The following ADGB variants were observed in gnomAD, a reference collection of about 807,000 sequenced individuals.
ADGB encodes the protein calpain-7-like protein.
In ADGB, 172 loss-of-function variants were observed where a neutral mutation model predicts 210.5. The observed-to-expected ratio is 0.82, with a 90% CI of 0.72 to 0.93. The LOEUF is 0.93. ADGB is among the 40% of genes least tolerant of loss of function. The pLI is 0.00. For synonymous variants in ADGB, 658 were observed against 662.7 expected, an observed-to-expected ratio of 0.99 and a Z score of 0.11; for missense variants, 2,025 against 1,964.8, an observed-to-expected ratio of 1.03 and a Z score of -0.58.
At chr6:146,776,420 G>C (rs1777722493) in intron 29 of ADGB, among the ~76,000 whole-genome samples, 1 of 151,718 alleles carries the variant, frequency 6.6e-6, no homozygotes, top group Non-Finnish European at 1.5e-5. Flanking sequence ...TTTAAAATGA[G>C]GCATATAATG....
intron 1 of ADGB, among the ~76,000 whole-genome samples, chr6:146,609,652 T>G (rs1188058944): frequency 6.6e-6 from 1 of 152,234 alleles, no homozygotes; most frequent in African/African-American, 2.4e-5. Context: ...GGTAATGAAT[T>G]CCCTTAGCAT....
intron 9 of ADGB, among the ~76,000 whole-genome samples, chr6:146,677,777 A>G (rs1204039314): frequency 6.6e-6 from 1 of 152,166 alleles, no homozygotes; most frequent in African/African-American, 2.4e-5. Flanking sequence ...ATCTGCTCCA[A>G]CACTGAGTGT....
chr6:146,656,988 C>A lies in ADGB; in HGVS notation c.612+8C>A, dbSNP rs1364498502. On this transcript the variant is annotated splice_region_variant and intron_variant, in intron 5 of 35. Coordinates refer to ENST00000397944, the MANE Select transcript of ADGB (RefSeq NM_024694.4). ...GTGAAACTTTACTGGATGGTAAGTC[C>A]ATTTTCGTGTGCATAAAAACTCATG... The A allele has an allele frequency of 5.2e-6, 8 of 1,543,544 alleles. No individual in the cohort carries two copies. The highest frequency in any genetic ancestry group is 1.7e-4 in the Middle Eastern group (1 of 5,958).
At chr6:146,781,050 G>C (rs749567821) in intron 29 of ADGB, among the ~76,000 whole-genome samples, 1 of 151,812 alleles carries the variant, frequency 6.6e-6, no homozygotes, top group Admixed American at 6.6e-5. Context: ...ATTGGAGGCC[G>C]GGCGCGGTAG....
intron 9 of ADGB, among the ~76,000 whole-genome samples, chr6:146,681,447 C>T (rs1776155905): frequency 6.6e-6 from 1 of 152,100 alleles, no homozygotes; most frequent in African/African-American, 2.4e-5. Context: ...TATAAATTAT[C>T]CAGTCTCAGG....
chr6:146,707,748 G>C (rs1045092720), intron 13 of ADGB, among the ~76,000 whole-genome samples: 1 of 152,008 alleles, frequency 6.6e-6, no homozygotes, highest in Non-Finnish European at 1.5e-5. Flanking sequence ...TAAGTCTCCT[G>C]TAGGCAGTAT....
In ADGB at chr6:146,654,331, T is replaced by C. The variant is rs572001540; in HGVS notation, c.402+125T>C. ...TTTAAGTTTTGGTATTATATATATA[T>C]ATATATAATACCAAAAAATATATAT... On this transcript the variant is annotated intron_variant, in intron 4 of 35. Transcript: ENST00000397944. The C allele has an allele frequency of 1.4e-4, 61 of 426,698 alleles. 1 individual carries two copies. The highest frequency in any genetic ancestry group is 3.7e-4 in the Middle Eastern group (1 of 2,674). The allele number at this position is 426,698 out of a possible 1,614,324, so 26.4% of individuals were successfully genotyped here.
intron 29 of ADGB, among the ~76,000 whole-genome samples, chr6:146,781,048 C>T (rs1777790672): frequency 6.6e-6 from 1 of 151,754 alleles, no homozygotes; most frequent in South Asian, 2.1e-4. Context: ...AAATTGGAGG[C>T]CGGGCGCGGT....
At position 146,787,692 on chromosome 6, in the gene ADGB, GCTCTTAAGTACTTTCCTATTGCCACCTT is replaced by G. The variant is rs1562301104; in HGVS notation, c.4316-696_4316-669del. 1.1e-3 allele frequency among the ~76,000 whole-genome samples: 158 copies of G among 146,108 alleles called. 2 individuals carry two copies. Among genetic ancestry groups the G allele is most frequent in the African/African-American group, 3.9e-3 (152 of 39,302 alleles). On this transcript the variant is annotated intron_variant, in intron 32 of 35. Coordinates refer to ENST00000397944, the MANE Select transcript of ADGB (RefSeq NM_024694.4). ...CTTTCTTATTTCAACATTTCTTCATGCTCTTAAGTACTTTCCTATTGCCACCTTTCTTATTTCAACATTTCTTCATGCT... is the reference window on the plus strand; with the variant it reads ...CTTTCTTATTTCAACATTTCTTCATGTCTTATTTCAACATTTCTTCATGCT...
intron 3 of ADGB, among the ~76,000 whole-genome samples, chr6:146,645,367 C>T (rs1775592713): frequency 6.6e-6 from 1 of 151,994 alleles, no homozygotes; most frequent in Admixed American, 6.6e-5. Context: ...ACTGGAATGT[C>T]ACTCAATAAA....
At chr6:146,785,040 T>A (rs1338430121) in intron 31 of ADGB, among the ~76,000 whole-genome samples, 1 of 152,274 alleles carries the variant, frequency 6.6e-6, no homozygotes, top group East Asian at 1.9e-4. Flanking sequence ...AGGCCCACAC[T>A]ATGGGTTACC....
intron 20 of ADGB, among the ~76,000 whole-genome samples, chr6:146,730,531 A>G (rs1464943733): frequency 6.6e-6 from 1 of 152,220 alleles, no homozygotes; most frequent in Non-Finnish European, 1.5e-5. Context: ...TTAGGTAATT[A>G]GCTTTGTCTA....
In ADGB at chr6:146,599,188, C is replaced by T. The variant is rs1780515277; in HGVS notation, c.74+74C>T. 5 of 1,373,562 alleles carry T rather than the reference C, an allele frequency of 3.6e-6. No homozygotes were observed. In the African/African-American group the frequency reaches 4.3e-5, roughly 12 times the overall value. 85.1% of individuals were successfully genotyped at this position (1,373,562 alleles called of 1,614,324 possible). On this transcript the variant is annotated intron_variant, in intron 1 of 35. Transcript: ENST00000397944. ...CTCACCACTAGTTCTGGGGCTGCCT[C>T]CCTGCAGCAAACTGTGCCAGGGCAG...
At chr6:146,707,356 TC>T (rs1776587985) in intron 13 of ADGB, among the ~76,000 whole-genome samples, 1 of 152,152 alleles carries the variant, frequency 6.6e-6, no homozygotes, top group South Asian at 2.1e-4. Context: ...GTCCATTTGA[TC>T]TAAAGTGTAG....
intron 27 of ADGB, among the ~76,000 whole-genome samples, chr6:146,754,133 A>T (rs1362088366): frequency 6.6e-6 from 1 of 151,432 alleles, no homozygotes; most frequent in East Asian, 1.9e-4. Flanking sequence ...ATATATTTTT[A>T]GTGAAAAGTA....
chr6:146,703,553 G>T (rs920128671), intron 13 of ADGB, among the ~76,000 whole-genome samples: 1 of 151,720 alleles, frequency 6.6e-6, no homozygotes, highest in African/African-American at 2.4e-5. Context: ...ATTCTACTTA[G>T]TATCTATTTT....
chr6:146,656,158 C>T (rs1226201003), intron 4 of ADGB, among the ~76,000 whole-genome samples: 1 of 152,182 alleles, frequency 6.6e-6, no homozygotes, highest in African/African-American at 2.4e-5. Flanking sequence ...GGATTCAAAT[C>T]CTGATCTCTG....
At chr6:146,797,832 G>A (rs1778069102) in intron 33 of ADGB, among the ~76,000 whole-genome samples, 1 of 151,974 alleles carries the variant, frequency 6.6e-6, no homozygotes, top group Admixed American at 6.6e-5. Context: ...GAAGTAATGG[G>A]TGCACCAAAA....
intron 35 of ADGB, among the ~76,000 whole-genome samples, chr6:146,813,849 C>T (rs1163867199): frequency 6.6e-6 from 1 of 152,140 alleles, no homozygotes; most frequent in African/African-American, 2.4e-5. Flanking sequence ...TGAGTTCACT[C>T]CCATTTATGT....
Sources: allele counts gnomAD v4.1 joint callset (sites outside exome capture counted in the v4.1 genomes callset), GRCh38; gene constraint gnomAD v4.1.1; transcripts MANE v1.5; gene names NCBI Gene and HGNC (gene_info 2026-07-23, HGNC 2026-07-21).